ITGB5: variants seen among roughly 807,000 people sequenced by gnomAD.
ITGB5 encodes the protein integrin beta-5.
ITGB5 carries 38 observed loss-of-function variants against 84.8 expected under a neutral mutation model. That is an observed-to-expected ratio of 0.45 (90% CI 0.35 to 0.59). The LOEUF is 0.59. Ranked by LOEUF, ITGB5 falls within the 20% of genes least tolerant of loss-of-function variation. The probability of loss-of-function intolerance (pLI) is 0.01; values close to 1 mark genes in which losing one functional copy is unlikely to be tolerated. For missense variants in ITGB5, 905 were observed against 1,034.5 expected (o/e 0.87, Z 1.72); for synonymous variants, 393 against 414.4 (o/e 0.95, Z 0.63).
chr3:124,887,978 C>T (rs1471630347), upstream of ITGB5, among the ~76,000 whole-genome samples: 1 of 151,252 alleles, frequency 6.6e-6, no homozygotes, highest in Non-Finnish European at 1.5e-5. Flanking sequence ...GTGCACTGGC[C>T]CAGTCTTGGC....
chr3:124,852,954 T>G (rs2065176709), intron 3 of ITGB5, among the ~76,000 whole-genome samples: 1 of 152,216 alleles, frequency 6.6e-6, no homozygotes, highest in South Asian at 2.1e-4. Context: ...CCCAAAGTGC[T>G]GGGATTATAG....
At chr3:124,815,679 G>A (rs552363686) in intron 8 of ITGB5, among the ~76,000 whole-genome samples, 1 of 152,294 alleles carries the variant, frequency 6.6e-6, no homozygotes, top group South Asian at 2.1e-4. Flanking sequence ...TGAGACCCAA[G>A]CGGCTCACAG....
chr3:124,764,653 TCCAAAGG>T (rs2063742196), intron 13 of ITGB5, 96 bp from the exon 14 acceptor site: 1 of 1,214,272 alleles, frequency 8.2e-7, no homozygotes, highest in African/African-American at 1.5e-5. Flanking sequence ...TTGCACCCCT[TCCAAAGG>T]CCTTCTCCTC....
intron 10 of ITGB5, among the ~76,000 whole-genome samples, chr3:124,794,385 C>T (rs1319124469): frequency 6.6e-6 from 1 of 152,158 alleles, no homozygotes; most frequent in East Asian, 1.9e-4. Context: ...AGTACCTCTC[C>T]TTCTGAACCA....
At chr3:124,791,613 C>T (rs563548854) in intron 10 of ITGB5, 1 of 152,528 alleles carries the variant, frequency 6.6e-6, no homozygotes, top group East Asian at 1.9e-4. Flanking sequence ...AAGTGCACCC[C>T]TCAACCCCAC....
intron 9 of ITGB5, among the ~76,000 whole-genome samples, chr3:124,798,947 G>A (rs1035236877): frequency 6.6e-6 from 1 of 152,174 alleles, no homozygotes; most frequent in Non-Finnish European, 1.5e-5. Flanking sequence ...TGTTTCAAAG[G>A]ACTTGACAAC....
intron 5 of ITGB5, among the ~76,000 whole-genome samples, chr3:124,832,387 C>A (rs2064872642): frequency 6.6e-6 from 1 of 152,218 alleles, no homozygotes; most frequent in South Asian, 2.1e-4. Flanking sequence ...CTTCACCTTT[C>A]TAGGCTTGTT....
At chr3:124,811,316 T>C (rs995094686) in intron 8 of ITGB5, among the ~76,000 whole-genome samples, 2 of 152,208 alleles carry the variant, frequency 1.3e-5, no homozygotes, top group African/African-American at 4.8e-5. Context: ...GACAGATGAA[T>C]GATTTAACAG....
intron 8 of ITGB5, among the ~76,000 whole-genome samples, chr3:124,815,515 C>T (rs1043589159): frequency 2.0e-5 from 3 of 152,242 alleles, no homozygotes; most frequent in African/African-American, 7.2e-5. Context: ...AGGAGGCAAG[C>T]GGTGGCCTCC....
intron 5 of ITGB5, among the ~76,000 whole-genome samples, chr3:124,821,730 G>A (rs558684809): frequency 6.6e-6 from 1 of 152,172 alleles, no homozygotes; most frequent in Non-Finnish European, 1.5e-5. Context: ...CAATGCACCT[G>A]AAACCCCCTC....
chr3:124,900,739 AC>A (rs905202949), intron 1 of ITGB5, among the ~76,000 whole-genome samples: 1 of 152,106 alleles, frequency 6.6e-6, no homozygotes, highest in African/African-American at 2.4e-5. Context: ...GATCTTGCTC[AC>A]CTCACCTCCC....
intron 5 of ITGB5, among the ~76,000 whole-genome samples, chr3:124,838,969 T>C (rs1052792363): frequency 5.9e-5 from 9 of 152,232 alleles, no homozygotes; most frequent in African/African-American, 1.9e-4. Context: ...GTCCATAAAC[T>C]ACTTCCAATT....
At chr3:124,810,840 C>T (rs2064488549) in intron 8 of ITGB5, among the ~76,000 whole-genome samples, 2 of 152,008 alleles carry the variant, frequency 1.3e-5, no homozygotes, top group Admixed American at 6.5e-5. Flanking sequence ...TCTCCCTCCT[C>T]GGGTACACTC....
In ITGB5 at chr3:124,796,458, G is replaced by A. The variant is rs2064225276; in HGVS notation, c.1623C>T (p.Gly541=). Reference sequence around the variant, plus strand: ...ACTCACAGAAAGGCCCATAGATCTTGCCAAACTCGCTCTCGAAGCAGGAGC... The same window carrying A: ...ACTCACAGAAAGGCCCATAGATCTTACCAAACTCGCTCTCGAAGCAGGAGC... ...NQCSCFESEF[G]KIYGPFCECD... Residue 541 remains glycine, a synonymous_variant, in exon 10 of 15, where the codon GGC becomes GGT. Coordinates refer to ENST00000296181, the MANE Select transcript of ITGB5 (RefSeq NM_002213.5). 3 of 1,614,154 alleles carry A rather than the reference G, an allele frequency of 1.9e-6. No individual in the cohort carries two copies. Among genetic ancestry groups the A allele is most frequent in the Non-Finnish European group, 2.5e-6 (3 of 1,180,032 alleles).
intron 12 of ITGB5, among the ~76,000 whole-genome samples, chr3:124,767,211 T>G (rs1447848077): frequency 2.0e-5 from 3 of 152,214 alleles, no homozygotes; most frequent in Non-Finnish European, 4.4e-5. Flanking sequence ...AGGTGAACAC[T>G]AGGGCGGTAA....
chr3:124,822,511 T>C (rs2064722638), intron 5 of ITGB5, among the ~76,000 whole-genome samples: 1 of 152,062 alleles, frequency 6.6e-6, no homozygotes, highest in African/African-American at 2.4e-5. Context: ...TAATGGTGGA[T>C]AAAACAGCCA....
At chr3:124,855,753 G>C (rs565967499) in intron 3 of ITGB5, among the ~76,000 whole-genome samples, 1 of 152,102 alleles carries the variant, frequency 6.6e-6, no homozygotes, top group African/African-American at 2.4e-5. Context: ...GAGCTACACA[G>C]CATCCACACT....
At chr3:124,766,443 G>A in intron 12 of ITGB5, 98 bp from the exon 13 acceptor site, 1 of 1,433,684 alleles carries the variant, frequency 7.0e-7, no homozygotes, top group Non-Finnish European at 9.5e-7. Flanking sequence ...AAAAGGAAAG[G>A]GCATGGGGGG....
At chr3:124,886,882 C>G (rs1301363494) in intron 1 of ITGB5, 49 bp downstream of exon 1, 7 of 1,155,560 alleles carry the variant, frequency 6.1e-6, no homozygotes, top group Non-Finnish European at 7.6e-6. Flanking sequence ...CCGCCCGCGG[C>G]TGAGTGTGCG....
Sources: allele counts gnomAD v4.1 joint callset (sites outside exome capture counted in the v4.1 genomes callset), GRCh38; gene constraint gnomAD v4.1.1; transcripts MANE v1.5; gene names NCBI Gene and HGNC (gene_info 2026-07-23, HGNC 2026-07-21).